The following PSTPIP2 variants were observed in gnomAD, a reference collection of about 807,000 sequenced individuals.
PSTPIP2 encodes the protein proline-serine-threonine phosphatase-interacting protein 2.
PSTPIP2 carries 33 observed loss-of-function variants against 63.3 expected under a neutral mutation model. The observed-to-expected ratio is 0.52, with a 90% CI of 0.40 to 0.70. The LOEUF (loss-of-function observed/expected upper bound fraction) is 0.70. Ranked by LOEUF, PSTPIP2 falls within the 30% of genes least tolerant of loss-of-function variation. The pLI is 0.00. For missense variants in PSTPIP2, 312 were observed against 400.7 expected, an observed-to-expected ratio of 0.78 and a Z score of 1.89; for synonymous variants, 125 against 132.7, an observed-to-expected ratio of 0.94 and a Z score of 0.40.
intron 2 of PSTPIP2, chr18:46,029,094 C>A (rs1907697038): frequency 2.4e-6 from 2 of 817,438 alleles, no homozygotes; most frequent in Admixed American, 1.8e-5. Context: ...GGAAAGGTTT[C>A]CAAACTGTAA....
At position 46,001,812 on chromosome 18, in the gene PSTPIP2, G is replaced by A. The variant is rs929206296; in HGVS notation, c.418-2278C>T. Among the ~76,000 whole-genome samples the A allele has an allele frequency of 2.6e-5, 4 of 151,954 alleles. No individual in the cohort carries two copies. The East Asian group carries it at 7.7e-4, about 29-fold the overall frequency. On this transcript the variant is annotated intron_variant, in intron 6 of 14. Coordinates refer to ENST00000409746, the MANE Select transcript of PSTPIP2 (RefSeq NM_024430.4). ...TATGGGGTATATGAGATGTTTTGAT[G>A]CAGGCATGCAATGCAAAATAAGCAC...
chr18:46,010,952 A>G, intron 5 of PSTPIP2: 1 of 471,980 alleles, frequency 2.1e-6, no homozygotes, highest in Non-Finnish European at 3.8e-6. Flanking sequence ...AGAGGAATGC[A>G]AGCTGGACCT....
intron 1 of PSTPIP2, among the ~76,000 whole-genome samples, chr18:46,069,998 T>C (rs1909334158): frequency 6.6e-6 from 1 of 152,238 alleles, no homozygotes; most frequent in South Asian, 2.1e-4. Context: ...GGCACTGTAC[T>C]AAACTCTCAA....
At chr18:46,012,769 C>T (rs1312197527) in intron 4 of PSTPIP2, among the ~76,000 whole-genome samples, 1 of 151,814 alleles carries the variant, frequency 6.6e-6, no homozygotes, top group Non-Finnish European at 1.5e-5. Context: ...GAGACTCCAT[C>T]TCAAAAAAAG....
At chr18:45,997,190 G>A (rs1419380106) in intron 9 of PSTPIP2, among the ~76,000 whole-genome samples, 2 of 151,882 alleles carry the variant, frequency 1.3e-5, no homozygotes, top group African/African-American at 4.8e-5. Context: ...TTCTTTTTTT[G>A]TTTGTTTGTT....
intron 4 of PSTPIP2, among the ~76,000 whole-genome samples, chr18:46,011,853 C>A (rs757751992): frequency 3.3e-5 from 5 of 152,070 alleles, no homozygotes; most frequent in Non-Finnish European, 1.5e-5. Flanking sequence ...CAAATCAAAG[C>A]ATGGCATTAA....
chr18:45,994,939 A>C (rs2144063183), intron 9 of PSTPIP2, among the ~76,000 whole-genome samples: 1 of 152,288 alleles, frequency 6.6e-6, no homozygotes, highest in East Asian at 1.9e-4. Context: ...CAAAAACTTC[A>C]GCCATATTTT....
At chr18:46,071,286 G>T (rs1232290485) in intron 1 of PSTPIP2, among the ~76,000 whole-genome samples, 1 of 152,202 alleles carries the variant, frequency 6.6e-6, no homozygotes, top group East Asian at 1.9e-4. Context: ...GGCAGCTGCG[G>T]TCAACTTTGA....
rs112028834 is a variant in PSTPIP2 at position 46,036,469 on chromosome 18, T to G, written c.134+3478A>C. The stretch of plus-strand genomic sequence containing the variant: ...GTATCTAGCAAGCCTTCAATAAACA[T>G]CAGCTATTATATAATCTCATTTAAC... On this transcript the variant is annotated intron_variant, in intron 2 of 14. Transcript: ENST00000409746. 4.7e-3 allele frequency among the ~76,000 whole-genome samples: 714 copies of G among 152,228 alleles called. 11 individuals are homozygous for G. The highest frequency in any genetic ancestry group is 0.029 in the Admixed American group (450 of 15,272).
At chr18:46,037,099 G>A (rs530868645) in intron 2 of PSTPIP2, among the ~76,000 whole-genome samples, 2 of 152,124 alleles carry the variant, frequency 1.3e-5, no homozygotes, top group African/African-American at 4.8e-5. Context: ...TTTGCCTCTT[G>A]TCTCTAAGAA....
rs78023756 is a variant in PSTPIP2, at chr18:46,037,471, G to A, written c.134+2476C>T. On this transcript the variant is annotated intron_variant, in intron 2 of 14. Transcript: ENST00000409746. ...CTCTACATGTAATTTATGACAGCTCGGTCAAATAATGTTTAAGACTCAAGG... is the reference window on the plus strand; with the variant it reads ...CTCTACATGTAATTTATGACAGCTCAGTCAAATAATGTTTAAGACTCAAGG... 4.8e-3 allele frequency among the ~76,000 whole-genome samples: 725 copies of A among 152,112 alleles called. 11 individuals are homozygous for A. Among genetic ancestry groups the A allele is most frequent in the Admixed American group, 0.03 (455 of 15,268 alleles).
intron 14 of PSTPIP2, among the ~76,000 whole-genome samples, chr18:45,987,645 G>T (rs2051481366): frequency 6.6e-6 from 1 of 152,164 alleles, no homozygotes. Flanking sequence ...TATCTCTTCA[G>T]ACCTTTTCTT....
intron 10 of PSTPIP2, among the ~76,000 whole-genome samples, chr18:45,992,811 C>T (rs1389791238): frequency 1.3e-5 from 2 of 152,012 alleles, no homozygotes; most frequent in African/African-American, 4.8e-5. Context: ...CAACCTCCAC[C>T]TCCCTGGCTG....
intron 12 of PSTPIP2, among the ~76,000 whole-genome samples, chr18:45,991,345 A>G (rs572069620): frequency 3.3e-5 from 5 of 152,334 alleles, no homozygotes; most frequent in Admixed American, 6.5e-5. Flanking sequence ...GTAGTAAATG[A>G]TTTAGACTTT....
intron 1 of PSTPIP2, among the ~76,000 whole-genome samples, chr18:46,059,856 C>T (rs1908926204): frequency 1.3e-5 from 2 of 151,566 alleles, no homozygotes; most frequent in South Asian, 2.1e-4. Context: ...GGTGAAACCC[C>T]GTCTCTAATA....
chr18:45,993,339 C>T (rs958400589), intron 10 of PSTPIP2, among the ~76,000 whole-genome samples: 2 of 152,210 alleles, frequency 1.3e-5, no homozygotes. Context: ...GGGTGATCCA[C>T]CCGTCTCAGC....
intron 2 of PSTPIP2, among the ~76,000 whole-genome samples, chr18:46,027,842 G>A (rs1003702710): frequency 1.3e-5 from 2 of 152,106 alleles, no homozygotes; most frequent in Non-Finnish European, 2.9e-5. Flanking sequence ...AGATCTTTCT[G>A]AGGTTAAAAG....
chr18:46,029,696 T>C, intron 2 of PSTPIP2: 1 of 695,344 alleles, frequency 1.4e-6, no homozygotes, highest in Non-Finnish European at 2.6e-6. Flanking sequence ...AAAGAAGCAG[T>C]CATTGGTTCA....
chr18:46,043,509 C>T (rs1908270410), intron 1 of PSTPIP2, among the ~76,000 whole-genome samples: 1 of 152,154 alleles, frequency 6.6e-6, no homozygotes, highest in Non-Finnish European at 1.5e-5. Context: ...GGAATGTCCT[C>T]AATCTGACAA....
Sources: allele counts gnomAD v4.1 joint callset (sites outside exome capture counted in the v4.1 genomes callset), GRCh38; gene constraint gnomAD v4.1.1; transcripts MANE v1.5; gene names NCBI Gene and HGNC (gene_info 2026-07-23, HGNC 2026-07-21).